CCS: variants seen among roughly 807,000 people sequenced by gnomAD.
CCS encodes the protein copper chaperone for superoxide dismutase, also known as superoxide dismutase copper chaperone.
Under a neutral mutation model 35.5 loss-of-function variants are expected in CCS, and 32 were observed. The observed-to-expected ratio is 0.90, with a 90% CI of 0.68 to 1.21. The LOEUF is 1.21. CCS is among the 50% of genes most tolerant of loss of function. The pLI is 0.00. For missense variants in CCS, 342 were observed against 375.4 expected (o/e 0.91, Z 0.73); for synonymous variants, 130 against 147.2 (o/e 0.88, Z 0.84).
Position 66,600,515 on chromosome 11 carries a change from G to A in CCS, c.455G>A (p.Gly152Glu). 2 of 1,539,980 alleles carry A rather than the reference G, an allele frequency of 1.3e-6. No individual in the cohort carries two copies. The highest frequency in any genetic ancestry group is 8.8e-7 in the Non-Finnish European group (1 of 1,139,018). The change falls in exon 5 of 8, where the codon GGA becomes GAA. Residue 152 changes from glycine (G) to glutamate (E), a missense_variant. Physicochemically the swap from Gly to Glu is moderately conservative, Grantham distance 98. Transcript: ENST00000533244. ...NSCGNHFNPD[G>E]ASHGGPQDSD... ...TGTGGGAATCACTTTAACCCTGATG[G>A]AGCATCTCATGGGGGCCCCCAGGAC...
intron 5 of CCS, among the ~76,000 whole-genome samples, chr11:66,604,001 C>T (rs534176097): frequency 9.2e-5 from 14 of 151,736 alleles, no homozygotes; most frequent in Non-Finnish European, 2.1e-4. Context: ...TGCACTCCAG[C>T]CTGGGCAACA....
intron 2 of CCS, among the ~76,000 whole-genome samples, chr11:66,595,504 T>C (rs1009195674): frequency 6.6e-6 from 1 of 152,100 alleles, no homozygotes; most frequent in African/African-American, 2.4e-5. Flanking sequence ...GGCTTTCTCA[T>C]GGGGCCAGGG....
intron 2 of CCS, among the ~76,000 whole-genome samples, chr11:66,597,907 C>T (rs1858506169): frequency 2.6e-5 from 4 of 151,716 alleles, no homozygotes; most frequent in South Asian, 4.2e-4. Context: ...GGTGACAAAG[C>T]GAGACTCCAT....
intron 2 of CCS, among the ~76,000 whole-genome samples, chr11:66,598,251 C>G (rs1380719354): frequency 1.3e-5 from 2 of 151,948 alleles, no homozygotes; most frequent in African/African-American, 2.4e-5. Context: ...CCTGTAATCT[C>G]AGTACTTTGG....
Position 66,605,373 on chromosome 11 carries a change from CT to C in CCS, c.525del (p.Asp176ThrfsTer13). 6.2e-7 allele frequency: 1 copy of C among 1,614,228 alleles called. No individual in the cohort carries two copies. The highest frequency in any genetic ancestry group is 8.5e-7 in the Non-Finnish European group (1 of 1,180,040). On this transcript the variant is annotated frameshift_variant, in exon 6 of 8. Coordinates refer to ENST00000533244, the MANE Select transcript of CCS (RefSeq NM_005125.2). LOFTEE classifies it high-confidence loss of function. ...GACCTGGGCAATGTCCGTGCTGATG[CT>C]GACGGCCGCGCCATCTTCAGAATGG... The part of the protein sequence containing the change: ...RGDLGNVRAD[A>X]DGRAIFRMED...
intron 2 of CCS, among the ~76,000 whole-genome samples, chr11:66,598,542 C>T (rs1858520016): frequency 1.2e-5 from 1 of 86,322 alleles, no homozygotes; most frequent in African/African-American, 3.3e-5. Context: ...TTTAAGCTAT[C>T]TCCTACAGGA....
At chr11:66,600,425 T>G in intron 4 of CCS, 64 bp from the exon 5 acceptor site, 1 of 920,982 alleles carries the variant, frequency 1.1e-6, no homozygotes, top group Non-Finnish European at 1.6e-6. Context: ...TATAAATAGA[T>G]GAGAGGGTAG....
intron 5 of CCS, among the ~76,000 whole-genome samples, chr11:66,601,233 C>T (rs886272502): frequency 4.6e-5 from 7 of 152,174 alleles, no homozygotes; most frequent in South Asian, 2.1e-4. Flanking sequence ...GCTGGGACTA[C>T]AGGTGCACAC....
intron 5 of CCS, 111 bp from the exon 6 acceptor site, chr11:66,605,228 A>G: frequency 1.3e-6 from 2 of 1,554,386 alleles, no homozygotes; most frequent in Non-Finnish European, 1.7e-6. Context: ...CACAGGAGGA[A>G]ATGGGTACTT....
In CCS at chr11:66,605,784, T is replaced by G; in HGVS notation, c.754T>G (p.Trp252Gly). The change falls in exon 8 of 8, where the codon TGG (tryptophan) becomes GGG (glycine). Residue 252 changes from tryptophan (W) to glycine (G), a missense_variant. Trp to Gly is a radical substitution (Grantham distance 184). Transcript: ENST00000533244. ...CTGCTCTTGCGATGGCCTCACCATCTGGGAGGAGCGAGGCCGGCCCATCGC... is the reference window on the plus strand; with the variant it reads ...CTGCTCTTGCGATGGCCTCACCATCGGGGAGGAGCGAGGCCGGCCCATCGC... ...QICSCDGLTI[W>G]EERGRPIAGK... 1 of 1,607,304 alleles carries G rather than the reference T, an allele frequency of 6.2e-7. No homozygotes were observed.
In CCS at chr11:66,601,649, G is replaced by A. The variant is rs193173203; in HGVS notation, c.489+1100G>A. Among the ~76,000 whole-genome samples, 32 of 149,864 alleles carry A rather than the reference G, an allele frequency of 2.1e-4. 1 individual carries two copies. The East Asian group carries it at 6.1e-3, about 29-fold the overall frequency. On this transcript the variant is annotated intron_variant, in intron 5 of 7. Transcript: ENST00000533244. ...AGTGCTGTGATCATGGCTCACTACAGCCTTGAACTCATGGGCTCAAGCAAT... is the reference window on the plus strand; with the variant it reads ...AGTGCTGTGATCATGGCTCACTACAACCTTGAACTCATGGGCTCAAGCAAT...
At position 66,600,566 on chromosome 11, in the gene CCS, GT is replaced by G. The variant is rs1858558218; in HGVS notation, c.489+20del. On this transcript the variant is annotated intron_variant, in intron 5 of 7. Coordinates refer to ENST00000533244, the MANE Select transcript of CCS (RefSeq NM_005125.2). ...TCTGACCGGGTAAGTGTCTGTCTGG[GT>G]TTGGGCTTGGGCTGAGAGAGGACCC... 1 of 1,476,260 alleles carries G rather than the reference GT, an allele frequency of 6.8e-7. No individual in the cohort carries two copies. Among genetic ancestry groups the G allele is most frequent in the Non-Finnish European group, 9.1e-7 (1 of 1,098,256 alleles). 91.4% of individuals were successfully genotyped at this position (1,476,260 alleles called of 1,614,324 possible). A position where few individuals can be genotyped will look rare whatever the true frequency, so the allele number is the denominator to read the frequency against.
chr11:66,601,922 C>T (rs925218676), intron 5 of CCS, among the ~76,000 whole-genome samples: 2 of 150,550 alleles, frequency 1.3e-5, no homozygotes, highest in African/African-American at 4.9e-5. Context: ...TTAGTAGAAA[C>T]GAGGTTTTGC....
chr11:66,596,095 T>G (rs1462717933), intron 2 of CCS, among the ~76,000 whole-genome samples: 2 of 152,218 alleles, frequency 1.3e-5, no homozygotes. Context: ...CAGGGTCTTG[T>G]TCTGCTCTGT....
At chr11:66,595,467 G>A (rs1173251053) in intron 2 of CCS, among the ~76,000 whole-genome samples, 1 of 152,116 alleles carries the variant, frequency 6.6e-6, no homozygotes, top group East Asian at 1.9e-4. Context: ...AAGACTTCTG[G>A]TGACTCTGTG....
At position 66,599,115 on chromosome 11, in the gene CCS, G is replaced by T. The variant is rs765681250; in HGVS notation, c.113-1G>T. On this transcript the variant is annotated splice_acceptor_variant, in intron 2 of 7. Coordinates refer to ENST00000533244, the MANE Select transcript of CCS (RefSeq NM_005125.2). LOFTEE classifies it high-confidence loss of function. ...GCCCTCTTCCCTCTCTTTCTTGCCA[G>T]GTGTCCAGGATGTGGAGGTGCACTT... The T allele has an allele frequency of 3.1e-6, 5 of 1,614,026 alleles. No homozygotes were observed. In the South Asian group the frequency reaches 5.5e-5, roughly 18 times the overall value.
In CCS at chr11:66,605,849, C is replaced by T; in HGVS notation, c.819C>T (p.His273=). 6.5e-7 allele frequency: 1 copy of T among 1,536,456 alleles called. No homozygotes were observed. Among genetic ancestry groups the T allele is most frequent in the Non-Finnish European group, 8.8e-7 (1 of 1,142,132 alleles). The part of the protein sequence containing the change: ...GRKESAQPPA[H]L ...AGGAGTCAGCGCAGCCCCCTGCCCA[C>T]CTTTGAGCAGGACCTCACCTTGGCT... Residue 273 remains histidine, a synonymous_variant, in exon 8 of 8, where the codon CAC becomes CAT. Coordinates refer to ENST00000533244, the MANE Select transcript of CCS (RefSeq NM_005125.2).
intron 2 of CCS, among the ~76,000 whole-genome samples, chr11:66,598,902 G>C (rs1275348187): frequency 6.6e-6 from 1 of 152,158 alleles, no homozygotes; most frequent in African/African-American, 2.4e-5. Flanking sequence ...CAGAAATCCT[G>C]GGGGCAAGGT....
At chr11:66,593,389 G>A in intron 1 of CCS, 89 bp downstream of exon 1, 2 of 1,350,276 alleles carry the variant, frequency 1.5e-6, no homozygotes, top group South Asian at 2.9e-5. Context: ...GAGAAGGAGT[G>A]GGCACTTGGG....
Sources: gnomAD v4.1 joint callset for allele counts (sites outside exome capture counted in the v4.1 genomes callset) on GRCh38, gnomAD v4.1.1 for gene constraint, MANE v1.5 for transcripts, NCBI Gene and HGNC (gene_info 2026-07-23, HGNC 2026-07-21) for gene names.